The following FGF12 variants were observed in gnomAD, a reference collection of about 807,000 sequenced individuals.
The protein encoded by FGF12 is fibroblast growth factor 12, also known as fibroblast growth factor 12B.
Under a neutral mutation model 23.6 loss-of-function variants are expected in FGF12, and 14 were observed. The observed-to-expected ratio is 0.59, with a 90% CI of 0.39 to 0.93. The LOEUF is 0.93. FGF12 is among the 40% of genes least tolerant of loss of function. The pLI, the probability that FGF12 is intolerant of heterozygous loss-of-function variation, is 0.00. For missense variants in FGF12, 175 were observed against 217.8 expected (o/e 0.80, Z 1.24); for synonymous variants, 62 against 77.3 (o/e 0.80, Z 1.04).
chr3:192,527,058 T>C (rs1724961986), intron 2 of FGF12, among the ~76,000 whole-genome samples: 1 of 152,144 alleles, frequency 6.6e-6, no homozygotes, highest in Non-Finnish European at 1.5e-5. Context: ...CAAACATATA[T>C]TGATAAAATT....
At chr3:192,454,497 C>A (rs1291063383) in intron 2 of FGF12, among the ~76,000 whole-genome samples, 21 of 151,690 alleles carry the variant, frequency 1.4e-4, no homozygotes, top group Admixed American at 1.4e-3. Context: ...AGAGATACTT[C>A]TAAAATAAGG....
intron 2 of FGF12, among the ~76,000 whole-genome samples, chr3:192,426,369 T>C (rs1325056940): frequency 6.6e-6 from 1 of 152,186 alleles, no homozygotes; most frequent in Non-Finnish European, 1.5e-5. Flanking sequence ...CCTCATAGTA[T>C]TGTCAGAGGG....
chr3:192,439,796 GA>G (rs1297334818), intron 2 of FGF12, among the ~76,000 whole-genome samples: 1 of 152,092 alleles, frequency 6.6e-6, no homozygotes. Flanking sequence ...CAAAGATGGT[GA>G]AACCCCGTCT....
At position 192,570,230 on chromosome 3, in the gene FGF12, G is replaced by T. The variant is rs185825518; in HGVS notation, c.13+156951C>A. On this transcript the variant is annotated intron_variant, in intron 2 of 5. Coordinates refer to ENST00000445105, the MANE Select transcript of FGF12 (RefSeq NM_004113.6). ...GTGTTTGTTTGCTTTTGTTTTCCAT[G>T]GGGGGGAGGGCCATAGGTGGTTTGG... Among the ~76,000 whole-genome samples the T allele has an allele frequency of 2.3e-3, 356 of 152,168 alleles. 1 individual carries two copies. The highest frequency in any genetic ancestry group is 8.2e-3 in the African/African-American group (342 of 41,514).
intron 4 of FGF12, among the ~76,000 whole-genome samples, chr3:192,258,029 A>C (rs2108614259): frequency 6.6e-6 from 1 of 152,120 alleles, no homozygotes; most frequent in South Asian, 2.1e-4. Flanking sequence ...TTTAAAAAAA[A>C]AAAAAAAAGC....
intron 4 of FGF12, among the ~76,000 whole-genome samples, chr3:192,217,505 G>A (rs555513057): frequency 6.6e-6 from 1 of 152,226 alleles, no homozygotes; most frequent in South Asian, 2.1e-4. Flanking sequence ...GAGCAAAGAG[G>A]AACGTAGACA....
chr3:192,627,165 A>G (rs1715201444), intron 2 of FGF12, among the ~76,000 whole-genome samples: 1 of 152,160 alleles, frequency 6.6e-6, no homozygotes, highest in Admixed American at 6.5e-5. Flanking sequence ...AATTCACCCA[A>G]TATCACATAG....
intron 2 of FGF12, among the ~76,000 whole-genome samples, chr3:192,393,438 T>C (rs1315581177): frequency 6.6e-6 from 1 of 152,206 alleles, no homozygotes; most frequent in Admixed American, 6.5e-5. Context: ...TAACTGACTG[T>C]TATGACATTT....
chr3:192,300,447 C>T (rs985573901), intron 4 of FGF12, among the ~76,000 whole-genome samples: 2 of 152,076 alleles, frequency 1.3e-5, no homozygotes, highest in Non-Finnish European at 1.5e-5. Context: ...CCCAATATTA[C>T]AATCCTGGAC....
chr3:192,355,764 A>G (rs1364826871), intron 3 of FGF12, among the ~76,000 whole-genome samples: 1 of 152,232 alleles, frequency 6.6e-6, no homozygotes, highest in Non-Finnish European at 1.5e-5. Context: ...AGAAGAACAG[A>G]GCAAGGTTAA....
intron 4 of FGF12, among the ~76,000 whole-genome samples, chr3:192,259,961 C>T (rs1016345704): frequency 6.6e-6 from 1 of 152,094 alleles, no homozygotes; most frequent in Non-Finnish European, 1.5e-5. Context: ...GGTTGAATGT[C>T]TTCACTGTGG....
At position 192,335,439 on chromosome 3, in the gene FGF12, G is replaced by A. The variant is rs969738682; in HGVS notation, c.150C>T (p.Gly50=). 6.2e-7 allele frequency: 1 copy of A among 1,612,842 alleles called. No individual in the cohort carries two copies. Among genetic ancestry groups the A allele is most frequent in the Non-Finnish European group, 8.5e-7 (1 of 1,179,202 alleles). ...DYTLFNLIPV[G]LRVVAIQGVK... Reference sequence around the variant, plus strand: ...CTCCTTGGATGGCCACTACACGCAGGCCCACGGGAATTAGATTGAAGAGAG... The same window carrying A: ...CTCCTTGGATGGCCACTACACGCAGACCCACGGGAATTAGATTGAAGAGAG... Residue 50 remains glycine (G), a synonymous_variant, in exon 4 of 6, where the codon GGC becomes GGT. Coordinates refer to ENST00000445105, the MANE Select transcript of FGF12 (RefSeq NM_004113.6).
chr3:192,613,863 A>G (rs1157614943), intron 2 of FGF12, among the ~76,000 whole-genome samples: 2 of 151,932 alleles, frequency 1.3e-5, no homozygotes, highest in African/African-American at 4.8e-5. Context: ...TAAGATCCTA[A>G]AACATCACTT....
chr3:192,313,380 C>T (rs1302190125), intron 4 of FGF12, among the ~76,000 whole-genome samples: 1 of 152,276 alleles, frequency 6.6e-6, no homozygotes, highest in African/African-American at 2.4e-5. Context: ...TTGCTATGTC[C>T]TTTTTCATGG....
intron 2 of FGF12, among the ~76,000 whole-genome samples, chr3:192,512,462 A>G (rs139696007): frequency 5.5e-4 from 84 of 152,236 alleles, no homozygotes; most frequent in African/African-American, 1.9e-3. Context: ...CTGGCATACT[A>G]TGAGAGCTCA....
At chr3:192,342,437 G>A (rs1421535220) in intron 3 of FGF12, among the ~76,000 whole-genome samples, 1 of 152,084 alleles carries the variant, frequency 6.6e-6, no homozygotes, top group Non-Finnish European at 1.5e-5. Flanking sequence ...GAATTAAGAG[G>A]AAGGAAAGAG....
At chr3:192,339,073 C>A (rs939022613) in intron 3 of FGF12, among the ~76,000 whole-genome samples, 1 of 152,096 alleles carries the variant, frequency 6.6e-6, no homozygotes, top group Non-Finnish European at 1.5e-5. Flanking sequence ...TTATATGAAC[C>A]ACAACATGAT....
chr3:192,423,541 T>A (rs980163347), intron 2 of FGF12, among the ~76,000 whole-genome samples: 8 of 152,140 alleles, frequency 5.3e-5, no homozygotes, highest in Admixed American at 5.2e-4. Context: ...AAGATTTACG[T>A]GCAAAGATTT....
intron 4 of FGF12, among the ~76,000 whole-genome samples, chr3:192,228,541 A>G (rs1293125290): frequency 1.3e-5 from 2 of 152,126 alleles, no homozygotes; most frequent in Non-Finnish European, 2.9e-5. Context: ...GACAGTATAC[A>G]CAGACAAGAT....
Sources: allele counts gnomAD v4.1 joint callset (sites outside exome capture counted in the v4.1 genomes callset), GRCh38; gene constraint gnomAD v4.1.1; transcripts MANE v1.5; gene names NCBI Gene and HGNC (gene_info 2026-07-23, HGNC 2026-07-21).